The following ANO2 variants were observed in gnomAD, a reference collection of about 807,000 sequenced individuals.
ANO2 encodes the protein anoctamin-2.
ANO2 carries 101 observed loss-of-function variants against 124.2 expected under a neutral mutation model. The observed-to-expected ratio is 0.81, with a 90% confidence interval of 0.69 to 0.96. The LOEUF (loss-of-function observed/expected upper bound fraction) is 0.96, where lower values mean the gene tolerates loss of function less well. ANO2 is among the 40% of genes least tolerant of loss of function. The pLI, the probability that ANO2 is intolerant of heterozygous loss-of-function variation, is 0.00. For missense variants in ANO2, 1,293 were observed against 1,274.5 expected, an observed-to-expected ratio of 1.01 and a Z score of -0.22; for synonymous variants, 486 against 482.5, an observed-to-expected ratio of 1.01 and a Z score of -0.09.
chr12:5,582,742 C>T (rs1468590627), intron 20 of ANO2, among the ~76,000 whole-genome samples: 1 of 152,216 alleles, frequency 6.6e-6, no homozygotes, highest in Non-Finnish European at 1.5e-5. Flanking sequence ...ACCATTTGTA[C>T]TTCCCCAAAC....
rs138085362 is a variant in ANO2 at position 5,912,004 on chromosome 12, T to C, written c.534+9036A>G. On this transcript the variant is annotated intron_variant, in intron 3 of 24. Transcript: ENST00000682330. ...TTGACAAGGACAACCGTGACATTCG[T>C]TGAGCCATAGCATCTGGTACTGCAG... Among the ~76,000 whole-genome samples, 1,149 of 152,310 alleles carry C rather than the reference T, an allele frequency of 7.5e-3. 14 individuals are homozygous for C. The highest frequency in any genetic ancestry group is 0.026 in the African/African-American group (1,085 of 41,550).
At chr12:5,909,810 A>G (rs1392518740) in intron 3 of ANO2, among the ~76,000 whole-genome samples, 1 of 152,176 alleles carries the variant, frequency 6.6e-6, no homozygotes, top group African/African-American at 2.4e-5. Context: ...GCCAGGCAGG[A>G]CTGCCATGCT....
intron 16 of ANO2, among the ~76,000 whole-genome samples, chr12:5,626,657 C>T (rs922655176): frequency 2.0e-5 from 3 of 152,128 alleles, no homozygotes; most frequent in South Asian, 2.1e-4. Context: ...TCAAAGGAAG[C>T]GACTCTAATG....
At chr12:5,740,661 T>A (rs1439088933) in intron 12 of ANO2, among the ~76,000 whole-genome samples, 2 of 152,116 alleles carry the variant, frequency 1.3e-5, no homozygotes, top group Non-Finnish European at 2.9e-5. Flanking sequence ...AGAGGAGGCA[T>A]CCGAGCTGAT....
chr12:5,840,908 C>T (rs1415580049), intron 4 of ANO2, among the ~76,000 whole-genome samples: 2 of 152,128 alleles, frequency 1.3e-5, no homozygotes, highest in Non-Finnish European at 2.9e-5. Context: ...GGGCTGAAGA[C>T]GATCATTATA....
At chr12:5,807,267 A>C (rs1953226621) in intron 8 of ANO2, 46 bp downstream of exon 8, 1 of 1,511,356 alleles carries the variant, frequency 6.6e-7, no homozygotes, top group Non-Finnish European at 8.9e-7. Flanking sequence ...GTGGTTTTCA[A>C]AGTTTTGAAG....
chr12:5,806,107 G>A lies in ANO2; in HGVS notation c.949-14C>T. The A allele has an allele frequency of 6.2e-7, 1 of 1,612,800 alleles. No individual in the cohort carries two copies. The highest frequency in any genetic ancestry group is 8.5e-7 in the Non-Finnish European group (1 of 1,179,398). On this transcript the variant is annotated splice_polypyrimidine_tract_variant and intron_variant, in intron 8 of 24. Transcript: ENST00000682330. The stretch of plus-strand genomic sequence containing the variant: ...ATCGTATTCACCCTGTGGAGAAAAA[G>A]TGATGCTGGATAAAGCCAATGAAAT...
intron 13 of ANO2, among the ~76,000 whole-genome samples, chr12:5,734,607 C>A (rs368488744): frequency 8.3e-4 from 127 of 152,200 alleles, no homozygotes; most frequent in African/African-American, 3.0e-3. Context: ...CACCTCCCCC[C>A]ATGCTGGGCC....
At chr12:5,669,781 C>A (rs978813528) in intron 14 of ANO2, among the ~76,000 whole-genome samples, 11 of 152,200 alleles carry the variant, frequency 7.2e-5, no homozygotes, top group African/African-American at 2.7e-4. Context: ...GTTGCCATTA[C>A]GCTCATCACT....
chr12:5,843,489 G>A (rs577903157), intron 4 of ANO2, among the ~76,000 whole-genome samples: 10 of 152,194 alleles, frequency 6.6e-5, no homozygotes, highest in Admixed American at 5.9e-4. Flanking sequence ...GACAGAGTTT[G>A]CAGTGAGCCG....
At chr12:5,695,051 C>T (rs972585680) in intron 14 of ANO2, among the ~76,000 whole-genome samples, 18 of 152,152 alleles carry the variant, frequency 1.2e-4, no homozygotes, top group Admixed American at 1.1e-3. Context: ...AATAGTTCCT[C>T]AAGCCGCTAG....
chr12:5,604,088 C>T (rs1050116105), intron 19 of ANO2, among the ~76,000 whole-genome samples: 2 of 151,540 alleles, frequency 1.3e-5, no homozygotes, highest in East Asian at 1.9e-4. Context: ...GTGATAGCAA[C>T]GGACATGAAG....
chr12:5,597,125 G>A (rs1943701244), intron 20 of ANO2, among the ~76,000 whole-genome samples: 1 of 152,046 alleles, frequency 6.6e-6, no homozygotes, highest in Non-Finnish European at 1.5e-5. Context: ...AAGTTTAGGG[G>A]TGCAAGTGCA....
upstream of ANO2, among the ~76,000 whole-genome samples, chr12:5,945,603 C>T (rs1591824338): frequency 1.3e-5 from 2 of 152,348 alleles, no homozygotes; most frequent in African/African-American, 4.8e-5. Context: ...CATGAACTGT[C>T]TGGCTGATTA....
At chr12:5,575,416 C>CA (rs1288629142) in intron 23 of ANO2, among the ~76,000 whole-genome samples, 5 of 152,194 alleles carry the variant, frequency 3.3e-5, no homozygotes, top group African/African-American at 1.2e-4. Flanking sequence ...GAATGATGTA[C>CA]AGTCGTGTGT....
At chr12:5,893,737 G>A (rs1019329942) in intron 3 of ANO2, among the ~76,000 whole-genome samples, 4 of 151,678 alleles carry the variant, frequency 2.6e-5, no homozygotes. Flanking sequence ...GAGAACACGT[G>A]GTGTTTGGTT....
At chr12:5,588,671 C>G (rs1437214458) in intron 20 of ANO2, among the ~76,000 whole-genome samples, 1 of 152,172 alleles carries the variant, frequency 6.6e-6, no homozygotes, top group African/African-American at 2.4e-5. Flanking sequence ...TGAAACGTCC[C>G]TTCCTCAAAA....
At chr12:5,644,963 T>C (rs1019124478) in intron 15 of ANO2, among the ~76,000 whole-genome samples, 1 of 151,882 alleles carries the variant, frequency 6.6e-6, no homozygotes, top group South Asian at 2.1e-4. Flanking sequence ...AATTTGCCTT[T>C]GGATTTAAGG....
At chr12:5,665,553 AT>A (rs1947659485) in intron 14 of ANO2, among the ~76,000 whole-genome samples, 1 of 152,028 alleles carries the variant, frequency 6.6e-6, no homozygotes, top group Admixed American at 6.6e-5. Flanking sequence ...GCTCGGAGGG[AT>A]TTTATTTGTT....
Sources: gnomAD v4.1 joint callset for allele counts (sites outside exome capture counted in the v4.1 genomes callset) on GRCh38, gnomAD v4.1.1 for gene constraint, MANE v1.5 for transcripts, NCBI Gene and HGNC (gene_info 2026-07-23, HGNC 2026-07-21) for gene names.